NUP37: variants seen among roughly 807,000 people sequenced by gnomAD.
NUP37 encodes the protein nucleoporin Nup37.
Under a neutral mutation model 45.4 loss-of-function variants are expected in NUP37, and 33 were observed. The observed-to-expected ratio is 0.73, with a 90% CI of 0.55 to 0.97. NUP37 has a LOEUF of 0.97. NUP37 is among the 50% of genes least tolerant of loss of function. The probability of loss-of-function intolerance (pLI) is 0.00; values close to 1 mark genes in which losing one functional copy is unlikely to be tolerated. For synonymous variants in NUP37, 127 were observed against 130.7 expected (o/e 0.97, Z 0.19); for missense variants, 365 against 389.7 (o/e 0.94, Z 0.53).
Position 102,118,542 on chromosome 12 carries a change from T to C in NUP37, c.-24A>G, listed in dbSNP as rs369438662. On this transcript the variant is annotated 5_prime_UTR_variant, in exon 2 of 10. Transcript: ENST00000552283. ...ATCTTGTATGTCAAAATTCAAGCAG[T>C]TGTGAAAATTAAATAGCCTTCTACT... 31 of 1,600,876 alleles carry C rather than the reference T, an allele frequency of 1.9e-5. No individual in the cohort carries two copies. Among genetic ancestry groups the C allele is most frequent in the African/African-American group, 1.6e-4 (12 of 74,394 alleles).
intron 9 of NUP37, 33 bp from the exon 10 acceptor site, chr12:102,074,500 G>GT (rs1565826749): frequency 8.2e-7 from 1 of 1,223,338 alleles, no homozygotes; most frequent in African/African-American, 1.5e-5. Flanking sequence ...AAGAAGCACA[G>GT]TAAGTCCCCA....
At chr12:102,112,018 T>G in intron 3 of NUP37, 90 bp downstream of exon 3, 20 of 1,241,596 alleles carry the variant, frequency 1.6e-5, no homozygotes, top group Middle Eastern at 2.0e-4. Context: ...AAATGGAAAT[T>G]GAGAAAAAAG....
chr12:102,075,063 T>C lies in NUP37; in HGVS notation c.805A>G (p.Thr269Ala), dbSNP rs1425917766. The change falls in exon 9 of 10, where the codon ACC (threonine) becomes GCC (alanine). Residue 269 changes from threonine to alanine, a missense_variant. By Grantham distance (58) the Thr-to-Ala change is moderately conservative (BLOSUM62 0). Coordinates refer to ENST00000552283, the MANE Select transcript of NUP37 (RefSeq NM_024057.4). ...GCCATTTTGCCAGGATAACCAGTGG[T>C]TGCAAACAGATTTTCACTAATTGTG... ...WSTISENLFA[T>A]TGYPGKMASQ... The C allele has an allele frequency of 1.2e-6, 2 of 1,611,662 alleles. No homozygotes were observed. Among genetic ancestry groups the C allele is most frequent in the Non-Finnish European group, 1.7e-6 (2 of 1,178,492 alleles).
chr12:102,110,739 G>T (rs1880291816), intron 3 of NUP37, among the ~76,000 whole-genome samples: 1 of 152,110 alleles, frequency 6.6e-6, no homozygotes. Flanking sequence ...CTACTCAGGA[G>T]GAGGCTGAGG....
At position 102,108,011 on chromosome 12, in the gene NUP37, T is replaced by A. The variant is rs117845658; in HGVS notation, c.281+4097A>T. On this transcript the variant is annotated intron_variant, in intron 3 of 9. Transcript: ENST00000552283. ...ATGAATGTTTACTTTATAATAAACA[T>A]GTTAAAATGCACATATATACTCTGT... 7.4e-4 allele frequency among the ~76,000 whole-genome samples: 112 copies of A among 152,320 alleles called. No homozygotes were observed. The East Asian group carries it at 0.019, about 26-fold the overall frequency.
Position 102,074,982 on chromosome 12 carries a change from C to T in NUP37, c.867+19G>A. 4 of 1,454,638 alleles carry T rather than the reference C, an allele frequency of 2.7e-6. No homozygotes were observed. Among genetic ancestry groups the T allele is most frequent in the South Asian group, 1.3e-5 (1 of 75,164 alleles). The allele number at this position is 1,454,638 out of a possible 1,614,324, so 90.1% of individuals were successfully genotyped here. ...AAAAAAAAAAAAAGCACGTATGTTACAAAACATTTCCACATTACCTGAGGG... is the reference window on the plus strand; with the variant it reads ...AAAAAAAAAAAAAGCACGTATGTTATAAAACATTTCCACATTACCTGAGGG... On this transcript the variant is annotated intron_variant, in intron 9 of 9. Transcript: ENST00000552283.
At chr12:102,113,696 A>G (rs2136756010) in intron 2 of NUP37, among the ~76,000 whole-genome samples, 1 of 152,332 alleles carries the variant, frequency 6.6e-6, no homozygotes, top group East Asian at 1.9e-4. Flanking sequence ...AGTGTATGGT[A>G]TTATAAAGTA....
chr12:102,101,126 T>A, intron 3 of NUP37, 22 bp from the exon 4 acceptor site: 1 of 1,466,774 alleles, frequency 6.8e-7, no homozygotes, highest in Middle Eastern at 1.7e-4. Flanking sequence ...AAAACAAAAA[T>A]ATACCAATTT....
At chr12:102,087,075 G>A (rs1274104599) in intron 5 of NUP37, among the ~76,000 whole-genome samples, 1 of 152,122 alleles carries the variant, frequency 6.6e-6, no homozygotes, top group African/African-American at 2.4e-5. Context: ...ACTCCAGCCT[G>A]GGTGACAGAG....
chr12:102,077,448 T>C lies in NUP37; in HGVS notation c.596A>G (p.Gln199Arg). Reference sequence around the variant, plus strand: ...TTCTGATTCAAGAGATAAAATAGCCTGTTGGGCCAAAAGATCATAAAACCG... The same window carrying C: ...TTCTGATTCAAGAGATAAAATAGCCCGTTGGGCCAAAAGATCATAAAACCG... ...TIRFYDLLAQ[Q>R]AILSLESEQV... The change falls in exon 7 of 10, where the codon CAG becomes CGG. Residue 199 changes from glutamine (Q) to arginine (R), a missense_variant. By Grantham distance (43) the Gln-to-Arg change is conservative. Coordinates refer to ENST00000552283, the MANE Select transcript of NUP37 (RefSeq NM_024057.4). 6.2e-7 allele frequency: 1 copy of C among 1,614,046 alleles called. No individual in the cohort carries two copies. The highest frequency in any genetic ancestry group is 1.3e-5 in the African/African-American group (1 of 75,056).
intron 1 of NUP37, chr12:102,118,908 A>T (rs1880588673): frequency 1.1e-5 from 2 of 173,978 alleles, no homozygotes; most frequent in African/African-American, 4.8e-5. Context: ...AATAACTTTT[A>T]TGAACCACTA....
intron 6 of NUP37, among the ~76,000 whole-genome samples, chr12:102,077,884 A>C (rs1379628101): frequency 6.6e-6 from 1 of 152,346 alleles, no homozygotes; most frequent in East Asian, 1.9e-4. Flanking sequence ...AATGCAAAAA[A>C]TTCCAAAATC....
chr12:102,081,172 T>C (rs1458737029), intron 6 of NUP37, among the ~76,000 whole-genome samples: 3 of 152,192 alleles, frequency 2.0e-5, no homozygotes, highest in Non-Finnish European at 4.4e-5. Context: ...TTAGTAAATA[T>C]AAAGCACTTA....
chr12:102,099,024 C>T, intron 5 of NUP37, 82 bp downstream of exon 5: 1 of 935,242 alleles, frequency 1.1e-6, no homozygotes, highest in Non-Finnish European at 1.7e-6. Context: ...ATGTAAAAGT[C>T]ACATTTTTTT....
intron 3 of NUP37, among the ~76,000 whole-genome samples, chr12:102,109,210 A>G (rs1880242038): frequency 6.6e-6 from 1 of 152,170 alleles, no homozygotes; most frequent in Non-Finnish European, 1.5e-5. Context: ...TCTAGCCACT[A>G]CGCAAGAAAA....
At chr12:102,114,568 A>G (rs561006196) in intron 2 of NUP37, among the ~76,000 whole-genome samples, 1 of 152,340 alleles carries the variant, frequency 6.6e-6, no homozygotes, top group African/African-American at 2.4e-5. Flanking sequence ...ATGATTATAC[A>G]AGGTTTCGGC....
At chr12:102,089,209 G>A (rs565982858) in intron 5 of NUP37, among the ~76,000 whole-genome samples, 3 of 152,146 alleles carry the variant, frequency 2.0e-5, no homozygotes, top group South Asian at 4.2e-4. Context: ...GCCCGTTCTC[G>A]ATGGTCGCTG....
intron 8 of NUP37, among the ~76,000 whole-genome samples, chr12:102,076,375 G>A (rs1003146214): frequency 6.6e-6 from 1 of 152,114 alleles, no homozygotes; most frequent in Non-Finnish European, 1.5e-5. Context: ...AAAGAACAAG[G>A]TAGACATGTA....
chr12:102,106,739 A>G (rs1271908554), intron 3 of NUP37, among the ~76,000 whole-genome samples: 1 of 152,146 alleles, frequency 6.6e-6, no homozygotes, highest in Non-Finnish European at 1.5e-5. Context: ...CCAAAACCCA[A>G]CCAGGTCCGC....
Sources: gnomAD v4.1 joint callset for allele counts (sites outside exome capture counted in the v4.1 genomes callset) on GRCh38, gnomAD v4.1.1 for gene constraint, MANE v1.5 for transcripts, NCBI Gene and HGNC (gene_info 2026-07-23, HGNC 2026-07-21) for gene names.